RIT2: variants seen among roughly 807,000 people sequenced by gnomAD.
RIT2 encodes GTP-binding protein Rit2.
RIT2 carries 24 observed loss-of-function variants against 23.7 expected under a neutral mutation model. The observed-to-expected ratio is 1.01, with a 90% CI of 0.73 to 1.43. RIT2 has a LOEUF of 1.43. Ranked by LOEUF, RIT2 falls within the 40% of genes most tolerant of loss-of-function variation. RIT2 has a pLI of 0.00. For missense variants in RIT2, 236 were observed against 266.9 expected, an observed-to-expected ratio of 0.88 and a Z score of 0.81; for synonymous variants, 107 against 91.1, an observed-to-expected ratio of 1.17 and a Z score of -0.99.
chr18:42,744,928 A>G (rs1912883120), intron 4 of RIT2, among the ~76,000 whole-genome samples: 1 of 152,166 alleles, frequency 6.6e-6, no homozygotes, highest in Non-Finnish European at 1.5e-5. Context: ...GGATCTCTAG[A>G]AATCATAAAC....
chr18:42,821,508 T>C (rs1906147786), intron 4 of RIT2, among the ~76,000 whole-genome samples: 1 of 152,054 alleles, frequency 6.6e-6, no homozygotes, highest in Non-Finnish European at 1.5e-5. Context: ...TGGCAATCAA[T>C]ATCTGGAGAC....
At chr18:43,054,735 G>A (rs186110069) in intron 1 of RIT2, among the ~76,000 whole-genome samples, 6 of 151,952 alleles carry the variant, frequency 3.9e-5, no homozygotes, top group Admixed American at 2.6e-4. Flanking sequence ...AAGGTGATTC[G>A]CCAAAAAATA....
chr18:42,956,866 G>A (rs1041358228), intron 3 of RIT2, among the ~76,000 whole-genome samples: 1 of 152,124 alleles, frequency 6.6e-6, no homozygotes, highest in African/African-American at 2.4e-5. Flanking sequence ...GTCCCGGAAG[G>A]CTGCTAAGAG....
chr18:42,927,471 A>G (rs113669543), intron 3 of RIT2, among the ~76,000 whole-genome samples: 4 of 151,782 alleles, frequency 2.6e-5, no homozygotes, highest in East Asian at 1.9e-4. Context: ...TCTCTTTACT[A>G]TGTATCAACT....
chr18:42,821,944 A>G (rs748649273), intron 4 of RIT2, among the ~76,000 whole-genome samples: 1 of 152,222 alleles, frequency 6.6e-6, no homozygotes. Context: ...CATTGAAAAT[A>G]CAGGAACTTA....
At chr18:42,809,323 C>A (rs966812658) in intron 4 of RIT2, among the ~76,000 whole-genome samples, 1 of 151,994 alleles carries the variant, frequency 6.6e-6, no homozygotes, top group Non-Finnish European at 1.5e-5. Flanking sequence ...TTCCTAAATC[C>A]CAGTATTATT....
chr18:42,886,127 T>A (rs1307090826), intron 4 of RIT2, among the ~76,000 whole-genome samples: 1 of 152,238 alleles, frequency 6.6e-6, no homozygotes, highest in Non-Finnish European at 1.5e-5. Context: ...TACTGCTGTC[T>A]ATGATTTTCA....
chr18:42,840,227 G>T (rs750449425), intron 4 of RIT2, among the ~76,000 whole-genome samples: 7 of 152,160 alleles, frequency 4.6e-5, no homozygotes, highest in Non-Finnish European at 1.0e-4. Flanking sequence ...TGACTCTCTT[G>T]CTATGAATAA....
At chr18:43,035,392 G>A (rs1911950708) in intron 1 of RIT2, among the ~76,000 whole-genome samples, 1 of 152,108 alleles carries the variant, frequency 6.6e-6, no homozygotes, top group East Asian at 1.9e-4. Flanking sequence ...TTATTAAGTG[G>A]ATATGAAGAA....
intron 1 of RIT2, among the ~76,000 whole-genome samples, chr18:43,088,578 C>A (rs972524989): frequency 6.6e-6 from 1 of 152,124 alleles, no homozygotes; most frequent in Non-Finnish European, 1.5e-5. Context: ...TATCTTAAAT[C>A]ATTTCATGAC....
At chr18:42,829,012 C>T (rs945440714) in intron 4 of RIT2, among the ~76,000 whole-genome samples, 10 of 152,174 alleles carry the variant, frequency 6.6e-5, no homozygotes, top group Admixed American at 1.3e-4. Context: ...GGTGTTGCCT[C>T]GGTGACCTCT....
intron 2 of RIT2, among the ~76,000 whole-genome samples, chr18:42,975,889 T>C (rs938034181): frequency 6.6e-6 from 1 of 152,090 alleles, no homozygotes; most frequent in African/African-American, 2.4e-5. Flanking sequence ...AGATCTTTCT[T>C]CTATTTTAAT....
At chr18:42,921,451 C>G (rs1424204586) in intron 4 of RIT2, among the ~76,000 whole-genome samples, 2 of 152,066 alleles carry the variant, frequency 1.3e-5, no homozygotes, top group African/African-American at 4.8e-5. Context: ...GTAATGCTTG[C>G]AATTCACTTC....
At position 43,026,592 on chromosome 18, in the gene RIT2, G is replaced by GAAAGAAAGAAAT. The variant is rs1555652893; in HGVS notation, c.160+7218_160+7219insATTTCTTTCTTT. ...AATAAATAAGAAAGAAAGAAAGAAA[G>GAAAGAAAGAAAT]AAAGAAAGAAAGAAAGAAAGAAAGA... On this transcript the variant is annotated intron_variant, in intron 2 of 4. Coordinates refer to ENST00000326695, the MANE Select transcript of RIT2 (RefSeq NM_002930.4). 1.2e-3 allele frequency among the ~76,000 whole-genome samples: 148 copies of GAAAGAAAGAAAT among 127,518 alleles called. 1 individual carries two copies. The highest frequency in any genetic ancestry group is 4.1e-3 in the African/African-American group (143 of 34,918). The allele number at this position is 127,518 out of a possible 152,430, so 83.7% of individuals were successfully genotyped here. A position where few individuals can be genotyped will look rare whatever the true frequency, so the allele number is the denominator to read the frequency against.
At chr18:42,752,818 A>G (rs1913077202) in intron 4 of RIT2, among the ~76,000 whole-genome samples, 1 of 152,198 alleles carries the variant, frequency 6.6e-6, no homozygotes, top group Non-Finnish European at 1.5e-5. Context: ...ATTGATGCAG[A>G]TATCATTATA....
At chr18:43,098,938 A>T (rs570696946) in intron 1 of RIT2, among the ~76,000 whole-genome samples, 2 of 152,048 alleles carry the variant, frequency 1.3e-5, no homozygotes, top group Non-Finnish European at 2.9e-5. Context: ...TTGGGATGAC[A>T]TAGAGAAACA....
intron 1 of RIT2, among the ~76,000 whole-genome samples, chr18:43,112,833 C>G (rs994885282): frequency 1.3e-5 from 2 of 152,074 alleles, no homozygotes; most frequent in African/African-American, 2.4e-5. Context: ...GTTTTTAATT[C>G]ATGTTTAAGG....
Position 43,115,572 on chromosome 18 carries a change from T to G in RIT2, c.-53A>C. On this transcript the variant is annotated 5_prime_UTR_variant, in exon 1 of 5. Transcript: ENST00000326695. ...GAAGGAGAAAGTCACCCGTGTCAGG[T>G]GCTTGCTCGAATATTAAGCAACTCT... The G allele has an allele frequency of 6.3e-7, 1 of 1,584,508 alleles. No homozygotes were observed. The highest frequency in any genetic ancestry group is 1.1e-5 in the South Asian group (1 of 86,998).
chr18:43,078,557 T>G (rs1002948735), intron 1 of RIT2, among the ~76,000 whole-genome samples: 2 of 152,164 alleles, frequency 1.3e-5, no homozygotes, highest in Non-Finnish European at 2.9e-5. Flanking sequence ...GCCTCATGGA[T>G]CCTTGCATCG....
Sources: gnomAD v4.1 joint callset for allele counts (sites outside exome capture counted in the v4.1 genomes callset) on GRCh38, gnomAD v4.1.1 for gene constraint, MANE v1.5 for transcripts, NCBI Gene and HGNC (gene_info 2026-07-23, HGNC 2026-07-21) for gene names.